SCD5: variants seen among roughly 807,000 people sequenced by gnomAD.
SCD5 encodes stearoyl-CoA desaturase 5, also known as acyl-CoA-desaturase 4.
A neutral mutation model predicts 30.4 loss-of-function variants in SCD5; 20 were observed. The ratio of observed to expected loss-of-function variants is 0.66; its 90% confidence interval spans 0.46 to 0.96. The LOEUF is 0.96. Ranked by LOEUF, SCD5 falls within the 40% of genes least tolerant of loss-of-function variation. The probability of loss-of-function intolerance (pLI) is 0.00; values close to 1 mark genes in which losing one functional copy is unlikely to be tolerated. For synonymous variants in SCD5, 173 were observed against 176.4 expected, an observed-to-expected ratio of 0.98 and a Z score of 0.16; for missense variants, 381 against 443.3, an observed-to-expected ratio of 0.86 and a Z score of 1.26.
At chr4:82,645,606 G>A (rs1727621014) in intron 3 of SCD5, among the ~76,000 whole-genome samples, 1 of 152,144 alleles carries the variant, frequency 6.6e-6, no homozygotes, top group Admixed American at 6.6e-5. Flanking sequence ...CCACAATTGG[G>A]AAGACGTTCC....
At chr4:82,789,112 T>C (rs1393622595) in intron 1 of SCD5, among the ~76,000 whole-genome samples, 1 of 152,202 alleles carries the variant, frequency 6.6e-6, no homozygotes, top group African/African-American at 2.4e-5. Context: ...AGTTCATCTG[T>C]TAAATAGACA....
chr4:82,737,497 T>A (rs1424569970), intron 1 of SCD5, among the ~76,000 whole-genome samples: 1 of 152,322 alleles, frequency 6.6e-6, no homozygotes, highest in East Asian at 1.9e-4. Context: ...AGGCAGATCA[T>A]CAATTCAGCC....
chr4:82,685,005 A>T (rs1386545967), intron 2 of SCD5, among the ~76,000 whole-genome samples: 1 of 152,206 alleles, frequency 6.6e-6, no homozygotes, highest in Non-Finnish European at 1.5e-5. Context: ...AAACAAATCA[A>T]TTACCAAATT....
intron 1 of SCD5, among the ~76,000 whole-genome samples, chr4:82,727,058 G>GA (rs758200831): frequency 1.2e-4 from 19 of 152,308 alleles, no homozygotes; most frequent in Admixed American, 3.3e-4. Flanking sequence ...GTGTGCTACA[G>GA]AAAAGTCCAC....
At chr4:82,632,771 A>G (rs1488843359) in intron 4 of SCD5, among the ~76,000 whole-genome samples, 3 of 94,840 alleles carry the variant, frequency 3.2e-5, no homozygotes, top group Non-Finnish European at 8.0e-5. Flanking sequence ...TTTGATTTGC[A>G]TGACTCTCTC....
chr4:82,715,659 C>T (rs1412040120), intron 1 of SCD5, among the ~76,000 whole-genome samples: 1 of 104,638 alleles, frequency 9.6e-6, no homozygotes, highest in Non-Finnish European at 1.8e-5. Context: ...GGGGTCATAA[C>T]TCTGGCTTAT....
chr4:82,698,832 T>C (rs966709765), intron 2 of SCD5, among the ~76,000 whole-genome samples: 1 of 152,248 alleles, frequency 6.6e-6, no homozygotes, highest in South Asian at 2.1e-4. Context: ...TGGGCCTCTA[T>C]GTGATGTTAC....
intron 1 of SCD5, among the ~76,000 whole-genome samples, chr4:82,790,682 G>A (rs1722081725): frequency 1.3e-5 from 2 of 152,208 alleles, no homozygotes; most frequent in African/African-American, 4.8e-5. Context: ...GTGCAATGAA[G>A]TCAAGGATGG....
intron 3 of SCD5, among the ~76,000 whole-genome samples, chr4:82,641,464 G>A (rs889673443): frequency 9.9e-5 from 15 of 152,076 alleles, no homozygotes; most frequent in African/African-American, 3.6e-4. Flanking sequence ...ATATATTAAG[G>A]GCAGGCACTG....
chr4:82,754,450 T>C (rs1431149081), intron 1 of SCD5, among the ~76,000 whole-genome samples: 4 of 130,802 alleles, frequency 3.1e-5, no homozygotes, highest in Non-Finnish European at 6.6e-5. Flanking sequence ...GCGTGGTCAC[T>C]TGGCTGCCAC....
intron 1 of SCD5, among the ~76,000 whole-genome samples, chr4:82,794,404 C>G (rs1722165355): frequency 6.6e-6 from 1 of 152,072 alleles, no homozygotes; most frequent in African/African-American, 2.4e-5. Context: ...ACAGAAAAGG[C>G]CTTGATGTTT....
chr4:82,732,757 T>C (rs1050055859), intron 1 of SCD5, among the ~76,000 whole-genome samples: 3 of 152,146 alleles, frequency 2.0e-5, no homozygotes, highest in African/African-American at 7.2e-5. Flanking sequence ...AGCTGGCCAC[T>C]CTGGGTACTA....
chr4:82,667,334 G>A (rs1728213794), intron 3 of SCD5, among the ~76,000 whole-genome samples: 1 of 152,116 alleles, frequency 6.6e-6, no homozygotes, highest in Admixed American at 6.5e-5. Context: ...ACTAGGAAAA[G>A]TACCTCTTAC....
intron 1 of SCD5, among the ~76,000 whole-genome samples, chr4:82,771,128 G>A (rs1029101328): frequency 1.3e-5 from 2 of 152,056 alleles, no homozygotes; most frequent in Non-Finnish European, 2.9e-5. Context: ...CACCATGCCT[G>A]GCTAATGTTT....
intron 2 of SCD5, among the ~76,000 whole-genome samples, chr4:82,702,621 G>T (rs537208554): frequency 2.0e-5 from 3 of 152,264 alleles, no homozygotes; most frequent in Admixed American, 6.5e-5. Context: ...CAAAAACCCT[G>T]CTGATCCCAA....
At position 82,672,855 on chromosome 4, in the gene SCD5, T is replaced by G. The variant is rs117288384; in HGVS notation, c.569+7852A>C. ...AAAAGAATTATATACTCCAACTAAG[T>G]AGGATTTATACTAGGTATGCAAGGC... On this transcript the variant is annotated intron_variant, in intron 3 of 4. Transcript: ENST00000319540. Among the ~76,000 whole-genome samples the G allele has an allele frequency of 8.2e-4, 125 of 152,182 alleles. 1 individual carries two copies. In the East Asian group the frequency reaches 0.022, roughly 27 times the overall value.
chr4:82,660,740 A>G, intron 3 of SCD5: 1 of 1,484,178 alleles, frequency 6.7e-7, no homozygotes, highest in Non-Finnish European at 8.9e-7. Context: ...TTGAATCAAT[A>G]AATAACCTAA....
chr4:82,786,260 G>A (rs1042429637), intron 1 of SCD5, among the ~76,000 whole-genome samples: 4 of 151,804 alleles, frequency 2.6e-5, no homozygotes, highest in African/African-American at 9.7e-5. Context: ...GCTTTTTGAT[G>A]TTAAGGAGGA....
At chr4:82,695,089 G>T (rs1319284083) in intron 2 of SCD5, among the ~76,000 whole-genome samples, 1 of 147,732 alleles carries the variant, frequency 6.8e-6, no homozygotes, top group Non-Finnish European at 1.5e-5. Context: ...TTAACTTGTG[G>T]GATCTGATGT....
Sources: allele counts gnomAD v4.1 joint callset (sites outside exome capture counted in the v4.1 genomes callset), GRCh38; gene constraint gnomAD v4.1.1; transcripts MANE v1.5; gene names NCBI Gene and HGNC (gene_info 2026-07-23, HGNC 2026-07-21).